GGH: variants seen among roughly 807,000 people sequenced by gnomAD.
GGH encodes the protein gamma-glutamyl hydrolase.
GGH carries 18 observed loss-of-function variants against 39.2 expected under a neutral mutation model. That is an observed-to-expected ratio of 0.46 (90% CI 0.32 to 0.68). The LOEUF is 0.68. Among genes scored for constraint, GGH ranks in the 30% least tolerant of loss-of-function variants. The pLI, the probability that GGH is intolerant of heterozygous loss-of-function variation, is 0.04. For synonymous variants in GGH, 147 were observed against 138.8 expected, an observed-to-expected ratio of 1.06 and a Z score of -0.42; for missense variants, 367 against 384.1, an observed-to-expected ratio of 0.96 and a Z score of 0.37.
chr8:63,035,625 G>C, intron 2 of GGH, 31 bp downstream of exon 2: 4 of 1,545,164 alleles, frequency 2.6e-6, no homozygotes, highest in Non-Finnish European at 3.5e-6. Flanking sequence ...TTTATACAGA[G>C]TAAAAAAAAA....
chr8:63,017,205 A>G, intron 8 of GGH: 1 of 284,816 alleles, frequency 3.5e-6, no homozygotes, highest in Non-Finnish European at 6.5e-6. Flanking sequence ...CAAATAACAA[A>G]GAAAAAGAAA....
chr8:63,030,485 A>T lies in GGH; in HGVS notation c.225-268T>A, dbSNP rs116507362. ...GAAGTATGTGTTAGTATGCAAAAAC[A>T]GTAAAGACCGTGAGATTTGGCCACC... On this transcript the variant is annotated intron_variant, in intron 2 of 8. Coordinates refer to ENST00000260118, the MANE Select transcript of GGH (RefSeq NM_003878.3). Among the ~76,000 whole-genome samples the T allele has an allele frequency of 0.1, 15,331 of 152,160 alleles. 974 individuals carry two copies. Among genetic ancestry groups the T allele is most frequent in the East Asian group, 0.34 (1,740 of 5,164 alleles).
intron 1 of GGH, among the ~76,000 whole-genome samples, chr8:63,036,800 G>A (rs145728126): frequency 3.2e-4 from 48 of 152,334 alleles, no homozygotes; most frequent in Middle Eastern, 6.8e-3. Flanking sequence ...TTAGAGCCAG[G>A]TGAGTGAAAG....
chr8:63,019,517 A>C (rs1177718793), intron 7 of GGH, among the ~76,000 whole-genome samples: 1 of 152,228 alleles, frequency 6.6e-6, no homozygotes, highest in African/African-American at 2.4e-5. Context: ...TATGAACCTG[A>C]AAACACAATC....
chr8:63,035,566 A>T, intron 2 of GGH, 90 bp downstream of exon 2: 1 of 1,498,574 alleles, frequency 6.7e-7, no homozygotes, highest in Non-Finnish European at 8.9e-7. Context: ...TGGCCTCCCA[A>T]AGTGCTAGAA....
intron 1 of GGH, among the ~76,000 whole-genome samples, chr8:63,038,222 C>A (rs1682783016): frequency 6.6e-6 from 1 of 152,188 alleles, no homozygotes; most frequent in South Asian, 2.1e-4. Context: ...ACCTTAATTT[C>A]TTGATTTTCT....
rs748760862 is a variant in GGH at position 63,015,493 on chromosome 8, C to CA, written c.836-41dup. 3.1e-6 allele frequency: 4 copies of CA among 1,309,298 alleles called. No individual in the cohort carries two copies. In the South Asian group the frequency reaches 3.9e-5, roughly 13 times the overall value. The allele number at this position is 1,309,298 out of a possible 1,614,324, so 81.1% of individuals were successfully genotyped here. On this transcript the variant is annotated intron_variant, in intron 8 of 8. Coordinates refer to ENST00000260118, the MANE Select transcript of GGH (RefSeq NM_003878.3). ...GTTAATTTTTAAAAAGATCAGATGACAAAATCTTCAAGAGACTATTTTATA... is the reference window on the plus strand; with the variant it reads ...GTTAATTTTTAAAAAGATCAGATGACAAAAATCTTCAAGAGACTATTTTATA...
Position 63,026,160 on chromosome 8 carries a change from C to T in GGH, c.497G>A (p.Gly166Glu), listed in dbSNP as rs757203960. The T allele has an allele frequency of 1.9e-6, 3 of 1,595,200 alleles. No homozygotes were observed. The highest frequency in any genetic ancestry group is 1.4e-5 in the African/African-American group (1 of 73,664). ...VDVAMPLNFTGGQLHSRMFQN... is the reference protein window; with the variant it reads ...VDVAMPLNFTEGQLHSRMFQN... ...AGGGTTGAAAAGAGTACTCTTACCTCCAGTGAAGTTCAGCGGCATTGCCAC... is the reference window on the plus strand; with the variant it reads ...AGGGTTGAAAAGAGTACTCTTACCTTCAGTGAAGTTCAGCGGCATTGCCAC... The change falls in exon 5 of 9, where the codon GGA becomes GAA. Residue 166 changes from glycine (G) to glutamate (E), a missense_variant and splice_region_variant. Gly to Glu is a moderately conservative substitution (Grantham distance 98, BLOSUM62 -2). Transcript: ENST00000260118.
intron 7 of GGH, chr8:63,018,036 G>A (rs1408051504): frequency 6.4e-6 from 1 of 156,384 alleles, no homozygotes; most frequent in Non-Finnish European, 1.4e-5. Flanking sequence ...AATGAAGTAT[G>A]GCAGCACTTC....
chr8:63,018,279 C>CA (rs886820513), intron 7 of GGH, among the ~76,000 whole-genome samples: 6 of 150,096 alleles, frequency 4.0e-5, no homozygotes, highest in African/African-American at 9.8e-5. Context: ...TTCCACAATT[C>CA]AAAAAAAAAG....
At chr8:63,028,068 A>G (rs1284284477) in intron 3 of GGH, 2 of 152,200 alleles carry the variant, frequency 1.3e-5, no homozygotes, top group Non-Finnish European at 2.9e-5. Flanking sequence ...AGCTTGAGAT[A>G]TGTGAAATAT....
intron 8 of GGH, among the ~76,000 whole-genome samples, chr8:63,015,712 A>C (rs1337478188): frequency 1.3e-5 from 2 of 151,630 alleles, no homozygotes; most frequent in Non-Finnish European, 2.9e-5. Flanking sequence ...AAATTTCCCC[A>C]AATAAAGCAG....
intron 7 of GGH, among the ~76,000 whole-genome samples, chr8:63,022,440 T>C (rs1804606412): frequency 6.6e-6 from 1 of 152,312 alleles, no homozygotes; most frequent in East Asian, 1.9e-4. Flanking sequence ...TCTGGGTATG[T>C]TGGATTCTGA....
intron 2 of GGH, among the ~76,000 whole-genome samples, chr8:63,032,725 T>A (rs73268693): frequency 6.6e-6 from 1 of 152,330 alleles, no homozygotes; most frequent in African/African-American, 2.4e-5. Flanking sequence ...TGTATTACAC[T>A]GTTTCTACAA....
At chr8:63,021,896 A>G (rs1265798430) in intron 7 of GGH, among the ~76,000 whole-genome samples, 1 of 151,488 alleles carries the variant, frequency 6.6e-6, no homozygotes, top group African/African-American at 2.4e-5. Flanking sequence ...CTGGTCTCAA[A>G]CTCCTGACCT....
intron 3 of GGH, among the ~76,000 whole-genome samples, chr8:63,029,049 G>A (rs575596508): frequency 1.5e-4 from 23 of 152,226 alleles, no homozygotes; most frequent in Non-Finnish European, 2.5e-4. Context: ...AAACTGAACT[G>A]AAGGCAAATA....
intron 2 of GGH, among the ~76,000 whole-genome samples, chr8:63,032,951 T>G (rs1804832250): frequency 6.6e-6 from 1 of 152,236 alleles, no homozygotes; most frequent in Non-Finnish European, 1.5e-5. Flanking sequence ...CTGGTGATTT[T>G]TTTAAACAAC....
chr8:63,018,861 C>T (rs1804535302), intron 7 of GGH, among the ~76,000 whole-genome samples: 1 of 152,140 alleles, frequency 6.6e-6, no homozygotes, highest in African/African-American at 2.4e-5. Context: ...CTTCAAAAAG[C>T]TCATGGAAAA....
At chr8:63,029,618 C>T (rs928238463) in intron 3 of GGH, among the ~76,000 whole-genome samples, 1 of 152,082 alleles carries the variant, frequency 6.6e-6, no homozygotes, top group Non-Finnish European at 1.5e-5. Flanking sequence ...AAAAAGACTA[C>T]CTGATTTACA....
Sources: gnomAD v4.1 joint callset for allele counts (sites outside exome capture counted in the v4.1 genomes callset) on GRCh38, gnomAD v4.1.1 for gene constraint, MANE v1.5 for transcripts, NCBI Gene and HGNC (gene_info 2026-07-23, HGNC 2026-07-21) for gene names.